SFRP1: variants seen among roughly 807,000 people sequenced by gnomAD.
SFRP1 encodes the protein secreted frizzled related protein 1, also known as secreted frizzled-related protein 1.
In SFRP1, 9 loss-of-function variants were observed where a neutral mutation model predicts 25.9. The observed-to-expected ratio is 0.35, with a 90% CI of 0.21 to 0.61. The LOEUF (loss-of-function observed/expected upper bound fraction) is 0.61. Ranked by LOEUF, SFRP1 falls within the 20% of genes least tolerant of loss-of-function variation. SFRP1 has a pLI of 0.78. For missense variants in SFRP1, 346 were observed against 418.2 expected (o/e 0.83, Z 1.51); for synonymous variants, 178 against 174.0 (o/e 1.02, Z -0.18).
chr8:41,266,345 A>C (rs1803435488), intron 2 of SFRP1, among the ~76,000 whole-genome samples: 1 of 152,152 alleles, frequency 6.6e-6, no homozygotes, highest in East Asian at 1.9e-4. Context: ...GCTTTAAGAG[A>C]AAAAAGGGTC....
At chr8:41,306,999 T>A in intron 1 of SFRP1, 1 of 1,452,906 alleles carries the variant, frequency 6.9e-7, no homozygotes, top group Non-Finnish European at 9.0e-7. Context: ...CTGCAGACGG[T>A]CCCAGAAAGA....
chr8:41,265,724 C>T (rs1803427420), intron 2 of SFRP1, among the ~76,000 whole-genome samples: 2 of 152,070 alleles, frequency 1.3e-5, no homozygotes, highest in South Asian at 2.1e-4. Flanking sequence ...AACCCCATCG[C>T]CCAAGCAGCA....
Position 41,264,112 on chromosome 8 carries a change from C to G in SFRP1, c.*1055G>C, listed in dbSNP as rs546153826. On this transcript the variant is annotated 3_prime_UTR_variant, in exon 3 of 3. Coordinates refer to ENST00000220772, the MANE Select transcript of SFRP1 (RefSeq NM_003012.5). ...GAGCTGCTCCTCTGGGAAGCAGCCT[C>G]GGACGGATCAGGAGACCTTGTTCTA... 1 of 152,292 alleles carries G rather than the reference C, an allele frequency of 6.6e-6. No individual in the cohort carries two copies. The highest frequency in any genetic ancestry group is 1.9e-4 in the East Asian group (1 of 5,180). 9.4% of individuals were successfully genotyped at this position (152,292 alleles called of 1,614,324 possible). A position where few individuals can be genotyped will look rare whatever the true frequency, so the allele number is the denominator to read the frequency against.
intron 2 of SFRP1, among the ~76,000 whole-genome samples, chr8:41,288,614 T>C (rs1306085819): frequency 1.4e-5 from 2 of 146,374 alleles, no homozygotes; most frequent in African/African-American, 5.0e-5. Flanking sequence ...TACACTCTCA[T>C]GTCTACACAC....
intron 2 of SFRP1, among the ~76,000 whole-genome samples, chr8:41,292,569 C>A (rs530343813): frequency 1.8e-4 from 27 of 152,294 alleles, no homozygotes; most frequent in African/African-American, 6.5e-4. Flanking sequence ...AGTATTCAGT[C>A]TTGTGTAGTG....
chr8:41,292,819 T>C (rs1803794574), intron 2 of SFRP1, among the ~76,000 whole-genome samples: 1 of 152,190 alleles, frequency 6.6e-6, no homozygotes, highest in Non-Finnish European at 1.5e-5. Context: ...AGAAAACACA[T>C]GCACAAACAC....
chr8:41,295,144 C>T (rs935005796), intron 2 of SFRP1, among the ~76,000 whole-genome samples: 4 of 152,096 alleles, frequency 2.6e-5, no homozygotes, highest in East Asian at 1.9e-4. Context: ...GGGCAGATCA[C>T]GAGGTCAGGA....
At chr8:41,297,865 C>G (rs1385414192) in intron 2 of SFRP1, among the ~76,000 whole-genome samples, 1 of 151,958 alleles carries the variant, frequency 6.6e-6, no homozygotes, top group Non-Finnish European at 1.5e-5. Flanking sequence ...TTCTACAAAC[C>G]CTAAGAGTAA....
chr8:41,266,679 C>A (rs1398214958), intron 2 of SFRP1, among the ~76,000 whole-genome samples: 3 of 152,014 alleles, frequency 2.0e-5, no homozygotes, highest in Non-Finnish European at 4.4e-5. Context: ...CCCTCCTCAG[C>A]CTCCCAAAGT....
In SFRP1 at chr8:41,285,530, C is replaced by T. The variant is rs113821702; in HGVS notation, c.622+17931G>A. Among the ~76,000 whole-genome samples the T allele has an allele frequency of 8.4e-3, 1,205 of 142,836 alleles. 16 individuals are homozygous for T. Among genetic ancestry groups the T allele is most frequent in the African/African-American group, 0.028 (1,028 of 36,732 alleles). 93.7% of individuals were successfully genotyped at this position (142,836 alleles called of 152,430 possible). A position where few individuals can be genotyped will look rare whatever the true frequency, so the allele number is the denominator to read the frequency against. On this transcript the variant is annotated intron_variant, in intron 2 of 2. Transcript: ENST00000220772. Reference sequence around the variant, plus strand: ...GCGGAAGAAGTGCAGCCCCAGCTTACTATCAGATAAGTCGTTTCCTAAAAA... The same window carrying T: ...GCGGAAGAAGTGCAGCCCCAGCTTATTATCAGATAAGTCGTTTCCTAAAAA...
At chr8:41,290,826 C>T (rs1212661777) in intron 2 of SFRP1, among the ~76,000 whole-genome samples, 1 of 146,922 alleles carries the variant, frequency 6.8e-6, no homozygotes, top group Non-Finnish European at 1.5e-5. Flanking sequence ...GCAGTTCTGC[C>T]ATTAGGACTT....
intron 2 of SFRP1, among the ~76,000 whole-genome samples, chr8:41,287,912 GGCC>G (rs1803726453): frequency 6.6e-6 from 1 of 152,190 alleles, no homozygotes; most frequent in African/African-American, 2.4e-5. Context: ...AACTGGGACT[GGCC>G]GCCACAGGGT....
In SFRP1 at chr8:41,282,564, A is replaced by ATAAATAAAATAAAATTT. The variant is rs1235016763; in HGVS notation, c.623-17092_623-17076dup. ...GGAAATCTGAAATAGAAAAAAATAA[A>ATAAATAAAATAAAATTT]TAAATAAAATAAAATTTTAAATAAA... is the stretch of plus-strand genomic sequence containing the variant. On this transcript the variant is annotated intron_variant, in intron 2 of 2. Transcript: ENST00000220772. Among the ~76,000 whole-genome samples the ATAAATAAAATAAAATTT allele has an allele frequency of 4.0e-3, 609 of 151,926 alleles. 4 individuals are homozygous for ATAAATAAAATAAAATTT. Among genetic ancestry groups the ATAAATAAAATAAAATTT allele is most frequent in the African/African-American group, 0.014 (569 of 41,426 alleles).
At chr8:41,301,193 T>C (rs1803911990) in intron 2 of SFRP1, among the ~76,000 whole-genome samples, 1 of 152,212 alleles carries the variant, frequency 6.6e-6, no homozygotes, top group Non-Finnish European at 1.5e-5. Flanking sequence ...ACCTGATGTC[T>C]TCCCACTGGG....
chr8:41,300,831 C>T (rs1052639819), intron 2 of SFRP1, among the ~76,000 whole-genome samples: 5 of 152,208 alleles, frequency 3.3e-5, no homozygotes, highest in Non-Finnish European at 5.9e-5. Context: ...ATGTTCGATG[C>T]GGTGACTTTG....
intron 1 of SFRP1, among the ~76,000 whole-genome samples, chr8:41,306,488 C>T (rs987371308): frequency 6.8e-6 from 1 of 146,264 alleles, no homozygotes; most frequent in African/African-American, 2.7e-5. Context: ...CCTACACACA[C>T]ACACACACAC....
intron 2 of SFRP1, chr8:41,275,370 C>A (rs1212277457): frequency 3.4e-6 from 1 of 292,914 alleles, no homozygotes; most frequent in Non-Finnish European, 6.7e-6. Context: ...AGACAGATAC[C>A]AGACCACACA....
Position 41,262,660 on chromosome 8 carries a change from G to A in SFRP1, c.*2507C>T, listed in dbSNP as rs1803389114. 1 of 152,090 alleles carries A rather than the reference G, an allele frequency of 6.6e-6. No individual in the cohort carries two copies. The highest frequency in any genetic ancestry group is 1.5e-5 in the Non-Finnish European group (1 of 68,038). 9.4% of individuals were successfully genotyped at this position (152,090 alleles called of 1,614,324 possible). Reference sequence around the variant, plus strand: ...GTAAAGCTTTACAAATCCCACCTTGGCCCTAGCGATAATTAGGAAATCACA... The same window carrying A: ...GTAAAGCTTTACAAATCCCACCTTGACCCTAGCGATAATTAGGAAATCACA... On this transcript the variant is annotated 3_prime_UTR_variant, in exon 3 of 3. Transcript: ENST00000220772.
rs1804042627 is a variant in SFRP1 at position 41,309,292 on chromosome 8, G to T, written c.-133C>A. On this transcript the variant is annotated 5_prime_UTR_variant, in exon 1 of 3. Coordinates refer to ENST00000220772, the MANE Select transcript of SFRP1 (RefSeq NM_003012.5). ...CCCAGCGTTGCCCGGCTCCGCGGCC[G>T]CAAGCTGCTGCCCGGTCCCCCCGGC... The T allele has an allele frequency of 9.4e-7, 1 of 1,060,828 alleles. No homozygotes were observed. The highest frequency in any genetic ancestry group is 3.6e-5 in the East Asian group (1 of 27,490). The allele number at this position is 1,060,828 out of a possible 1,614,324, so 65.7% of individuals were successfully genotyped here.
Sources: allele counts gnomAD v4.1 joint callset (sites outside exome capture counted in the v4.1 genomes callset), GRCh38; gene constraint gnomAD v4.1.1; transcripts MANE v1.5; gene names NCBI Gene and HGNC (gene_info 2026-07-23, HGNC 2026-07-21).